Variants in TRIM44 observed in about 807,000 individuals in gnomAD.
TRIM44 encodes the protein tripartite motif-containing protein 44.
TRIM44 carries 13 observed loss-of-function variants against 37.4 expected under a neutral mutation model. The observed-to-expected ratio is 0.35, with a 90% CI of 0.23 to 0.55. TRIM44 has a LOEUF of 0.55. Ranked by LOEUF, TRIM44 falls within the 20% of genes least tolerant of loss-of-function variation. The pLI, the probability that TRIM44 is intolerant of heterozygous loss-of-function variation, is 0.89. For synonymous variants in TRIM44, 175 were observed against 157.2 expected, an observed-to-expected ratio of 1.11 and a Z score of -0.85; for missense variants, 426 against 437.2, an observed-to-expected ratio of 0.97 and a Z score of 0.23.
intron 1 of TRIM44, among the ~76,000 whole-genome samples, chr11:35,673,151 T>G (rs1159254865): frequency 6.6e-6 from 1 of 152,238 alleles, no homozygotes; most frequent in African/African-American, 2.4e-5. Flanking sequence ...TTGGATGGTG[T>G]TATATGCAAT....
chr11:35,736,105 C>T (rs1211970720), intron 4 of TRIM44, among the ~76,000 whole-genome samples: 1 of 152,028 alleles, frequency 6.6e-6, no homozygotes, highest in African/African-American at 2.4e-5. Context: ...GTCATCAACA[C>T]AATTGAGGAA....
At chr11:35,666,077 G>A (rs767994698) in intron 1 of TRIM44, among the ~76,000 whole-genome samples, 1 of 152,110 alleles carries the variant, frequency 6.6e-6, no homozygotes, top group Non-Finnish European at 1.5e-5. Flanking sequence ...TGATTTTTGT[G>A]TAGTAGAAGT....
chr11:35,720,262 T>C (rs1332708698), intron 2 of TRIM44, among the ~76,000 whole-genome samples: 2 of 152,206 alleles, frequency 1.3e-5, no homozygotes, highest in Admixed American at 1.3e-4. Context: ...GAATTATACC[T>C]AAGTATTTCA....
At chr11:35,778,276 G>A (rs544076232) in intron 4 of TRIM44, among the ~76,000 whole-genome samples, 2 of 152,176 alleles carry the variant, frequency 1.3e-5, no homozygotes, top group South Asian at 2.1e-4. Context: ...CATTTGTCAC[G>A]TAGTTTTCGT....
At chr11:35,704,460 C>G (rs1851844351) in intron 2 of TRIM44, among the ~76,000 whole-genome samples, 2 of 152,158 alleles carry the variant, frequency 1.3e-5, no homozygotes, top group Admixed American at 1.3e-4. Flanking sequence ...ACATAATTGT[C>G]AGATTCACCA....
At chr11:35,675,967 G>T (rs1430732798) in intron 1 of TRIM44, among the ~76,000 whole-genome samples, 1 of 152,188 alleles carries the variant, frequency 6.6e-6, no homozygotes, top group South Asian at 2.1e-4. Context: ...AGCGTGTGCA[G>T]CTAAAAGCTG....
chr11:35,783,730 G>A (rs1336405120), intron 4 of TRIM44, among the ~76,000 whole-genome samples: 2 of 152,174 alleles, frequency 1.3e-5, no homozygotes, highest in African/African-American at 4.8e-5. Flanking sequence ...CGTGAAATGA[G>A]AGCCTAGCCC....
Position 35,815,582 on chromosome 11 carries a change from T to C in TRIM44, c.*9197T>C, listed in dbSNP as rs2942382. ...AATTAATATTTTCCCTGGAAGATTC[T>C]GACCTGTCTGATCAAATAAAGGCAT... On this transcript the variant is annotated 3_prime_UTR_variant, in exon 5 of 5. Transcript: ENST00000299413. 44,148 of 152,126 alleles carry C rather than the reference T, an allele frequency of 0.29. 6,837 individuals carry two copies. The highest frequency in any genetic ancestry group is 0.39 in the Admixed American group (5,905 of 15,268). The allele number at this position is 152,126 out of a possible 1,614,324, so 9.4% of individuals were successfully genotyped here.
At position 35,757,053 on chromosome 11, in the gene TRIM44, G is replaced by A. The variant is rs185649777; in HGVS notation, c.1007+21608G>A. ...GTTAGGGAGGATTCCCTCTTTTTCT[G>A]TTGATTGGAATAGTTTCAGAAGGAA... is the stretch of plus-strand genomic sequence containing the variant. On this transcript the variant is annotated intron_variant, in intron 4 of 4. Transcript: ENST00000299413. 2.6e-4 allele frequency among the ~76,000 whole-genome samples: 40 copies of A among 152,230 alleles called. No homozygotes were observed. The East Asian group carries it at 4.8e-3, about 18-fold the overall frequency.
intron 4 of TRIM44, among the ~76,000 whole-genome samples, chr11:35,775,869 T>C (rs1279639440): frequency 6.6e-6 from 1 of 152,220 alleles, no homozygotes; most frequent in Non-Finnish European, 1.5e-5. Flanking sequence ...GGATTCGGTT[T>C]GCCAGTATTT....
chr11:35,725,138 TA>T (rs1852158029), intron 2 of TRIM44, among the ~76,000 whole-genome samples: 1 of 149,544 alleles, frequency 6.7e-6, no homozygotes, highest in African/African-American at 2.5e-5. Context: ...ATAGTAAAAA[TA>T]GTAGAATGAA....
At chr11:35,701,066 A>G (rs960437740) in intron 2 of TRIM44, among the ~76,000 whole-genome samples, 1 of 152,176 alleles carries the variant, frequency 6.6e-6, no homozygotes, top group Non-Finnish European at 1.5e-5. Flanking sequence ...CCTTGGAAGA[A>G]CAGGGCCGGG....
At chr11:35,749,066 CAG>C (rs539873505) in intron 4 of TRIM44, among the ~76,000 whole-genome samples, 120 of 152,206 alleles carry the variant, frequency 7.9e-4, no homozygotes, top group African/African-American at 2.6e-3. Flanking sequence ...GAGACAGAAA[CAG>C]ATATTTTACT....
At chr11:35,746,956 A>G (rs961185775) in intron 4 of TRIM44, among the ~76,000 whole-genome samples, 3 of 152,202 alleles carry the variant, frequency 2.0e-5, no homozygotes, top group African/African-American at 4.8e-5. Flanking sequence ...TGGTGAGTAC[A>G]TGTCTTACCC....
intron 3 of TRIM44, among the ~76,000 whole-genome samples, chr11:35,734,022 G>A (rs1852298966): frequency 1.3e-5 from 2 of 152,092 alleles, no homozygotes; most frequent in Admixed American, 1.3e-4. Flanking sequence ...GAGAGGCAGT[G>A]TTCATAACTT....
chr11:35,702,357 C>T (rs1016710035), intron 2 of TRIM44, among the ~76,000 whole-genome samples: 15 of 152,222 alleles, frequency 9.9e-5, no homozygotes, highest in South Asian at 2.1e-4. Flanking sequence ...CCCTATCCCA[C>T]GCCAGCTTGT....
At chr11:35,709,608 C>G (rs1170443724) in intron 2 of TRIM44, among the ~76,000 whole-genome samples, 1 of 152,130 alleles carries the variant, frequency 6.6e-6, no homozygotes, top group African/African-American at 2.4e-5. Context: ...ACTTCCAAAC[C>G]CAGTTTGGTT....
intron 4 of TRIM44, among the ~76,000 whole-genome samples, chr11:35,797,132 AAAAC>A (rs146147034): frequency 0.013 from 1,945 of 152,296 alleles, 46 homozygotes; most frequent in African/African-American, 0.044. Flanking sequence ...CTCAAAAACA[AAAAC>A]AAAACAAAAA....
intron 2 of TRIM44, among the ~76,000 whole-genome samples, chr11:35,700,699 A>G (rs562894053): frequency 9.2e-5 from 14 of 152,322 alleles, no homozygotes; most frequent in Admixed American, 2.6e-4. Flanking sequence ...CCTTTCTTAT[A>G]TAAAATCTCT....
Sources: gnomAD v4.1 joint callset for allele counts (sites outside exome capture counted in the v4.1 genomes callset) on GRCh38, gnomAD v4.1.1 for gene constraint, MANE v1.5 for transcripts, NCBI Gene and HGNC (gene_info 2026-07-23, HGNC 2026-07-21) for gene names.